The following LPCAT1 variants were observed in gnomAD, a reference collection of about 807,000 sequenced individuals.
LPCAT1 encodes the protein 1-acylglycerol-3-phosphate O-acyltransferase.
Under a neutral mutation model 60.9 loss-of-function variants are expected in LPCAT1, and 23 were observed. That is an observed-to-expected ratio of 0.38 (90% confidence interval 0.27 to 0.53). The LOEUF (loss-of-function observed/expected upper bound fraction) is 0.53, where lower values mean the gene tolerates loss of function less well. Among genes scored for constraint, LPCAT1 ranks in the 20% least tolerant of loss-of-function variants. The pLI, the probability that LPCAT1 is intolerant of heterozygous loss-of-function variation, is 0.82. For synonymous variants in LPCAT1, 340 were observed against 301.1 expected (o/e 1.13, Z -1.34); for missense variants, 622 against 723.6 (o/e 0.86, Z 1.61).
At chr5:1,465,209 C>G (rs1410009631) in intron 13 of LPCAT1, among the ~76,000 whole-genome samples, 9 of 146,510 alleles carry the variant, frequency 6.1e-5, no homozygotes, top group African/African-American at 2.0e-4. Context: ...TAACTAAACA[C>G]ACATGCGTGC....
At chr5:1,474,998 G>A (rs897471002) in intron 9 of LPCAT1, among the ~76,000 whole-genome samples, 1 of 152,254 alleles carries the variant, frequency 6.6e-6, no homozygotes, top group African/African-American at 2.4e-5. Flanking sequence ...AGCTCATGGT[G>A]CGAGAATTAC....
At chr5:1,485,709 G>A (rs2126538442) in intron 5 of LPCAT1, among the ~76,000 whole-genome samples, 2 of 152,234 alleles carry the variant, frequency 1.3e-5, no homozygotes, top group East Asian at 3.9e-4. Flanking sequence ...AGCCTGTGCA[G>A]GGAGGCCGCT....
At chr5:1,519,151 G>A (rs765051402) in intron 1 of LPCAT1, among the ~76,000 whole-genome samples, 7 of 152,240 alleles carry the variant, frequency 4.6e-5, no homozygotes, top group Non-Finnish European at 7.3e-5. Flanking sequence ...CGTTTAAGAC[G>A]AACTTTGGGT....
intron 2 of LPCAT1, 126 bp downstream of exon 2, chr5:1,501,335 T>C: frequency 7.5e-7 from 1 of 1,328,174 alleles, no homozygotes; most frequent in Non-Finnish European, 1.0e-6. Flanking sequence ...TGGTGGACGC[T>C]GGGCTCAGAA....
intron 9 of LPCAT1, among the ~76,000 whole-genome samples, chr5:1,474,929 C>T (rs1734839443): frequency 6.6e-6 from 1 of 152,198 alleles, no homozygotes; most frequent in South Asian, 2.1e-4. Context: ...ACGTGAGAAT[C>T]GTGAAAAAGT....
Position 1,477,796 on chromosome 5 carries a change from A to G in LPCAT1, c.817-310T>C, listed in dbSNP as rs1168798592. On this transcript the variant is annotated intron_variant, in intron 8 of 13. Transcript: ENST00000283415. The surrounding 1 kb of genome is among the most constrained non-coding windows in gnomAD (Gnocchi z 6.0). ...GTGCTCCTGGGAGCGCCTGCTGCCT[A>G]CATCAGAACATCTGGCTCTCTGATC... 8.7e-6 allele frequency among the ~76,000 whole-genome samples: 1 copy of G among 115,460 alleles called. No homozygotes were observed. The highest frequency in any genetic ancestry group is 2.6e-4 in the East Asian group (1 of 3,796). 75.7% of individuals were successfully genotyped at this position (115,460 alleles called of 152,430 possible).
Position 1,494,932 on chromosome 5 carries a change from G to A in LPCAT1, c.279-18C>T, listed in dbSNP as rs1735727936. 6.3e-7 allele frequency: 1 copy of A among 1,576,836 alleles called. No individual in the cohort carries two copies. Among genetic ancestry groups the A allele is most frequent in the Non-Finnish European group, 8.6e-7 (1 of 1,159,576 alleles). On this transcript the variant is annotated intron_variant, in intron 2 of 13. Transcript: ENST00000283415. ...CCACAACCCTGCAAAAGAGGGCGCTGCGTCACGCGGGCACACGTCCGCAGT... is the reference window on the plus strand; with the variant it reads ...CCACAACCCTGCAAAAGAGGGCGCTACGTCACGCGGGCACACGTCCGCAGT...
chr5:1,508,250 G>A (rs912996701), intron 1 of LPCAT1, among the ~76,000 whole-genome samples: 1 of 152,216 alleles, frequency 6.6e-6, no homozygotes, highest in Non-Finnish European at 1.5e-5. Context: ...TCCGGGCTGG[G>A]GGACAGGTCC....
chr5:1,471,325 T>C (rs1327644096), intron 11 of LPCAT1, among the ~76,000 whole-genome samples: 1 of 152,234 alleles, frequency 6.6e-6, no homozygotes, highest in Non-Finnish European at 1.5e-5. Flanking sequence ...AACCCGGAGC[T>C]GTGACGTGGA....
At chr5:1,465,148 C>T (rs997039783) in intron 13 of LPCAT1, among the ~76,000 whole-genome samples, 5 of 143,390 alleles carry the variant, frequency 3.5e-5, no homozygotes, top group Non-Finnish European at 7.5e-5. Context: ...CAGGCACACG[C>T]GGTAACTAAA....
At chr5:1,508,189 C>T (rs1185003874) in intron 1 of LPCAT1, among the ~76,000 whole-genome samples, 1 of 152,182 alleles carries the variant, frequency 6.6e-6, no homozygotes, top group Non-Finnish European at 1.5e-5. Context: ...CCAAGCAGGG[C>T]GGGCACAGTG....
At chr5:1,515,169 G>A (rs1051256948) in intron 1 of LPCAT1, among the ~76,000 whole-genome samples, 1 of 150,880 alleles carries the variant, frequency 6.6e-6, no homozygotes. Flanking sequence ...GAGCCCCCCA[G>A]CACATCCTGC....
intron 3 of LPCAT1, 42 bp from the exon 4 acceptor site, chr5:1,489,900 C>G: frequency 7.0e-7 from 1 of 1,430,898 alleles, no homozygotes; most frequent in Non-Finnish European, 9.9e-7. Context: ...GAATGCACGG[C>G]TCCCGCCAGG....
Position 1,523,672 on chromosome 5 carries a change from C to T in LPCAT1, c.135+38G>A. The stretch of plus-strand genomic sequence containing the variant: ...CCCTGGCCCCAGCATCCCTGGCGTC[C>T]GCGCCGGCTCCCGGGGCCGCGCGCC... On this transcript the variant is annotated intron_variant, in intron 1 of 13. Transcript: ENST00000283415. The surrounding 1 kb of genome is among the most constrained non-coding windows in gnomAD (Gnocchi z 7.1). 3 of 1,071,200 alleles carry T rather than the reference C, an allele frequency of 2.8e-6. No homozygotes were observed. The highest frequency in any genetic ancestry group is 3.4e-6 in the Non-Finnish European group (3 of 885,792). The allele number at this position is 1,071,200 out of a possible 1,614,324, so 66.4% of individuals were successfully genotyped here. A position where few individuals can be genotyped will look rare whatever the true frequency, so the allele number is the denominator to read the frequency against.
rs1734194097 is a variant in LPCAT1, at chr5:1,463,558, G to C, written c.*93C>G. 1 of 1,368,376 alleles carries C rather than the reference G, an allele frequency of 7.3e-7. No homozygotes were observed. Among genetic ancestry groups the C allele is most frequent in the Non-Finnish European group, 1.0e-6 (1 of 991,308 alleles). 84.8% of individuals were successfully genotyped at this position (1,368,376 alleles called of 1,614,324 possible). On this transcript the variant is annotated 3_prime_UTR_variant, in exon 14 of 14. Coordinates refer to ENST00000283415, the MANE Select transcript of LPCAT1 (RefSeq NM_024830.5). ...GCTGAAGACAGTGCCTGTACAGCAG[G>C]AGTGAGGAGCGGAGCCCAGAGGTCA...
chr5:1,466,942 C>T (rs771915409), intron 12 of LPCAT1, 52 bp from the exon 13 acceptor site: 1 of 1,463,092 alleles, frequency 6.8e-7, no homozygotes, highest in Non-Finnish European at 9.1e-7. Flanking sequence ...GCCCACCAGG[C>T]CCCGCTGTCC....
chr5:1,475,900 C>T (rs1415926396), intron 9 of LPCAT1, among the ~76,000 whole-genome samples: 1 of 151,690 alleles, frequency 6.6e-6, no homozygotes, highest in Non-Finnish European at 1.5e-5. Context: ...CCCGCCCAGG[C>T]CCAGGAGTCC....
Position 1,470,897 on chromosome 5 carries a change from C to A in LPCAT1, c.1207G>T (p.Glu403Ter), listed in dbSNP as rs761234099. 1.2e-6 allele frequency: 2 copies of A among 1,613,394 alleles called. No homozygotes were observed. Among genetic ancestry groups the A allele is most frequent in the Non-Finnish European group, 1.7e-6 (2 of 1,179,984 alleles). Reference sequence around the variant, plus strand: ...ACGACAGACAGGGCAACCACACACTCTCGCAGGTCCACCTCGCCGCTGCCG... The same window carrying A: ...ACGACAGACAGGGCAACCACACACTATCGCAGGTCCACCTCGCCGCTGCCG... ...ESGSGEVDLRECVVALSVVCR... is the reference protein window; with the variant it reads ...ESGSGEVDLR Residue 403 changes from glutamate to a stop codon, truncating the protein, a stop_gained, in exon 12 of 14, where the codon GAG (glutamate) becomes TAG (stop). Coordinates refer to ENST00000283415, the MANE Select transcript of LPCAT1 (RefSeq NM_024830.5). LOFTEE classifies it high-confidence loss of function.
intron 3 of LPCAT1, among the ~76,000 whole-genome samples, chr5:1,490,677 G>A (rs560239341): frequency 6.6e-6 from 1 of 152,230 alleles, no homozygotes; most frequent in East Asian, 1.9e-4. Flanking sequence ...TGGAAGTTGC[G>A]GGGTTGGGGT....
Sources: gnomAD v4.1 joint callset for allele counts (sites outside exome capture counted in the v4.1 genomes callset) on GRCh38, gnomAD v4.1.1 for gene constraint, Gnocchi (gnomAD v3.1) non-coding constraint, MANE v1.5 for transcripts, NCBI Gene and HGNC (gene_info 2026-07-23, HGNC 2026-07-21) for gene names.